STAU2: variants seen among roughly 807,000 people sequenced by gnomAD.
The protein encoded by STAU2 is double-stranded RNA-binding protein Staufen homolog 2.
A neutral mutation model predicts 65.9 loss-of-function variants in STAU2; 20 were observed. That is an observed-to-expected ratio of 0.30 (90% CI 0.21 to 0.44). The LOEUF (loss-of-function observed/expected upper bound fraction) is 0.44. Ranked by LOEUF, STAU2 falls within the 20% of genes least tolerant of loss-of-function variation. The pLI, the probability that STAU2 is intolerant of heterozygous loss-of-function variation, is 1.00. For missense variants in STAU2, 558 were observed against 683.9 expected, an observed-to-expected ratio of 0.82 and a Z score of 2.05; for synonymous variants, 232 against 233.9, an observed-to-expected ratio of 0.99 and a Z score of 0.07.
At chr8:73,463,416 G>T (rs559391514) in intron 13 of STAU2, among the ~76,000 whole-genome samples, 2 of 152,310 alleles carry the variant, frequency 1.3e-5, no homozygotes, top group Admixed American at 1.3e-4. Flanking sequence ...AGTAAATATG[G>T]TTTCTGTATG....
intron 13 of STAU2, among the ~76,000 whole-genome samples, chr8:73,428,081 C>T (rs958938582): frequency 5.9e-5 from 9 of 152,166 alleles, no homozygotes; most frequent in African/African-American, 2.2e-4. Context: ...CAAACTTATC[C>T]TTTTTATCTG....
chr8:73,423,076 G>C (rs1816510170), intron 13 of STAU2, among the ~76,000 whole-genome samples: 1 of 152,210 alleles, frequency 6.6e-6, no homozygotes, highest in South Asian at 2.1e-4. Flanking sequence ...TTTCCACCTT[G>C]AGTATTCTTT....
chr8:73,615,123 G>A (rs1213234268), intron 8 of STAU2, among the ~76,000 whole-genome samples: 1 of 151,920 alleles, frequency 6.6e-6, no homozygotes, highest in East Asian at 1.9e-4. Flanking sequence ...CTTAATAAAA[G>A]AAGTATTATA....
chr8:73,545,135 A>C (rs1318657431), intron 13 of STAU2, among the ~76,000 whole-genome samples: 3 of 152,196 alleles, frequency 2.0e-5, no homozygotes, highest in Non-Finnish European at 4.4e-5. Flanking sequence ...ATACATGCTG[A>C]AATTATGGAA....
At chr8:73,533,845 C>G (rs1017486402) in intron 13 of STAU2, among the ~76,000 whole-genome samples, 1 of 152,126 alleles carries the variant, frequency 6.6e-6, no homozygotes, top group African/African-American at 2.4e-5. Flanking sequence ...ATTTAAATTT[C>G]CTACCCCCAG....
intron 6 of STAU2, among the ~76,000 whole-genome samples, chr8:73,626,074 TACAC>T (rs57076627): frequency 0.094 from 13,735 of 146,094 alleles, 748 homozygotes; most frequent in African/African-American, 0.15. Context: ...TAAGTACACA[TACAC>T]ACACACACAC....
intron 9 of STAU2, among the ~76,000 whole-genome samples, chr8:73,604,740 C>T (rs1288212665): frequency 4.6e-5 from 7 of 152,264 alleles, no homozygotes; most frequent in African/African-American, 1.7e-4. Context: ...TACTATTTCA[C>T]ATCCACCAAA....
At chr8:73,609,951 C>T (rs1156481413) in intron 9 of STAU2, among the ~76,000 whole-genome samples, 1 of 151,942 alleles carries the variant, frequency 6.6e-6, no homozygotes, top group African/African-American at 2.4e-5. Context: ...TACATAAATC[C>T]AATTTAGATA....
At chr8:73,703,592 T>G (rs901698838) in intron 4 of STAU2, among the ~76,000 whole-genome samples, 3 of 152,122 alleles carry the variant, frequency 2.0e-5, no homozygotes, top group Non-Finnish European at 4.4e-5. Context: ...AAAAACAAAG[T>G]GTGCTATATA....
intron 13 of STAU2, among the ~76,000 whole-genome samples, chr8:73,513,242 T>C (rs1231638799): frequency 1.3e-5 from 2 of 152,212 alleles, no homozygotes; most frequent in Non-Finnish European, 1.5e-5. Flanking sequence ...ATCTCCTTCA[T>C]GGTGCATCGC....
At chr8:73,658,708 T>C (rs529429684) in intron 6 of STAU2, among the ~76,000 whole-genome samples, 1 of 148,716 alleles carries the variant, frequency 6.7e-6, no homozygotes, top group South Asian at 2.2e-4. Flanking sequence ...AGGTCAGGAG[T>C]TCAAGACCAG....
At chr8:73,628,153 G>A (rs576294681) in intron 6 of STAU2, among the ~76,000 whole-genome samples, 20 of 151,386 alleles carry the variant, frequency 1.3e-4, no homozygotes, top group Admixed American at 1.1e-3. Flanking sequence ...GGTTAACTGC[G>A]GCCTCAACCT....
intron 6 of STAU2, among the ~76,000 whole-genome samples, chr8:73,633,958 ACAAAG>A (rs1814300957): frequency 6.6e-6 from 1 of 152,108 alleles, no homozygotes; most frequent in African/African-American, 2.4e-5. Context: ...AGCCTGAGTG[ACAAAG>A]CGAGACTCCA....
At chr8:73,577,638 G>A (rs1809674435) in intron 12 of STAU2, among the ~76,000 whole-genome samples, 1 of 151,992 alleles carries the variant, frequency 6.6e-6, no homozygotes, top group Non-Finnish European at 1.5e-5. Flanking sequence ...AAAGAAATGG[G>A]CCTAAGCTCT....
At chr8:73,659,055 T>C (rs1344823842) in intron 6 of STAU2, among the ~76,000 whole-genome samples, 1 of 152,206 alleles carries the variant, frequency 6.6e-6, no homozygotes, top group African/African-American at 2.4e-5. Context: ...AAAAAGTGAT[T>C]GAGCATTAAG....
At chr8:73,512,844 T>C (rs1338190151) in intron 13 of STAU2, among the ~76,000 whole-genome samples, 1 of 152,240 alleles carries the variant, frequency 6.6e-6, no homozygotes, top group East Asian at 1.9e-4. Flanking sequence ...TCGGTTATTG[T>C]ACTTTTCAAC....
rs1228272823 is a variant in STAU2 at position 73,683,612 on chromosome 8, C to T, written c.274+5042G>A. On this transcript the variant is annotated intron_variant, in intron 5 of 14. Transcript: ENST00000524300. ...ACAGTACTGGAAGTCCTAGCCGGAG[C>T]AATCGACAAGAGAAAGAAATAAAGG... Among the ~76,000 whole-genome samples the T allele has an allele frequency of 4.6e-5, 7 of 152,168 alleles. No individual in the cohort carries two copies. The East Asian group carries it at 1.2e-3, about 25-fold the overall frequency.
chr8:73,582,145 G>A (rs1482978929), intron 12 of STAU2, among the ~76,000 whole-genome samples: 1 of 152,092 alleles, frequency 6.6e-6, no homozygotes, highest in Admixed American at 6.6e-5. Flanking sequence ...AAAAAAATTA[G>A]TAAACTGAAA....
intron 6 of STAU2, among the ~76,000 whole-genome samples, chr8:73,645,609 CG>C (rs1815312734): frequency 6.6e-6 from 1 of 152,158 alleles, no homozygotes; most frequent in African/African-American, 2.4e-5. Flanking sequence ...AAATGAAACA[CG>C]TATTAGTCCG....
Sources: gnomAD v4.1 joint callset for allele counts (sites outside exome capture counted in the v4.1 genomes callset) on GRCh38, gnomAD v4.1.1 for gene constraint, MANE v1.5 for transcripts, NCBI Gene and HGNC (gene_info 2026-07-23, HGNC 2026-07-21) for gene names.